Variants in VAV3 observed in about 807,000 individuals in gnomAD.
VAV3 encodes guanine nucleotide exchange factor VAV3.
Under a neutral mutation model 131.2 loss-of-function variants are expected in VAV3, and 94 were observed. The observed-to-expected ratio is 0.72, with a 90% CI of 0.61 to 0.85. VAV3 has a LOEUF of 0.85. Among genes scored for constraint, VAV3 ranks in the 40% least tolerant of loss-of-function variants. The pLI, the probability that VAV3 is intolerant of heterozygous loss-of-function variation, is 0.00. For synonymous variants in VAV3, 349 were observed against 342.0 expected (o/e 1.02, Z -0.22); for missense variants, 939 against 1,002.7 (o/e 0.94, Z 0.86).
At chr1:107,841,477 C>CA (rs1308525039) in intron 2 of VAV3, among the ~76,000 whole-genome samples, 16 of 152,106 alleles carry the variant, frequency 1.1e-4, no homozygotes, top group Non-Finnish European at 1.9e-4. Flanking sequence ...GATATTTAAA[C>CA]AGAGATCTAA....
chr1:107,725,517 CATTATT>C (rs898568931), intron 15 of VAV3, among the ~76,000 whole-genome samples: 1 of 152,048 alleles, frequency 6.6e-6, no homozygotes, highest in Admixed American at 6.6e-5. Context: ...GCAAATTCAT[CATTATT>C]ATTATTTCTG....
chr1:107,887,982 G>C (rs900642666), intron 1 of VAV3, among the ~76,000 whole-genome samples: 1 of 149,084 alleles, frequency 6.7e-6, no homozygotes, highest in African/African-American at 2.5e-5. Context: ...CAACCAGGCT[G>C]TTTTGGTTCT....
At chr1:107,723,579 G>T (rs1000892603) in intron 15 of VAV3, among the ~76,000 whole-genome samples, 1 of 114,426 alleles carries the variant, frequency 8.7e-6, no homozygotes, top group Non-Finnish European at 1.9e-5. Flanking sequence ...CTGAGTTGAA[G>T]CTATATTAGA....
intron 15 of VAV3, among the ~76,000 whole-genome samples, chr1:107,717,063 T>A (rs1406233868): frequency 6.6e-6 from 1 of 152,216 alleles, no homozygotes; most frequent in Non-Finnish European, 1.5e-5. Context: ...TAGTTTGTAT[T>A]TCTGTGGGAT....
chr1:107,926,009 G>GC (rs1170874984), intron 1 of VAV3, among the ~76,000 whole-genome samples: 1 of 151,704 alleles, frequency 6.6e-6, no homozygotes, highest in Non-Finnish European at 1.5e-5. Flanking sequence ...GGGGCCAGGT[G>GC]CGGTGGCTGC....
intron 1 of VAV3, among the ~76,000 whole-genome samples, chr1:107,940,617 G>T (rs1673938820): frequency 1.3e-5 from 2 of 152,172 alleles, no homozygotes; most frequent in Non-Finnish European, 1.5e-5. Flanking sequence ...ACAAAAAGTG[G>T]TGTCTGTACA....
At chr1:107,637,572 G>A (rs1655026536) in intron 20 of VAV3, among the ~76,000 whole-genome samples, 1 of 152,194 alleles carries the variant, frequency 6.6e-6, no homozygotes, top group East Asian at 1.9e-4. Flanking sequence ...GCAATGAGCC[G>A]TGATCCCGCC....
At chr1:107,611,177 GA>G (rs1329458224) in intron 21 of VAV3, among the ~76,000 whole-genome samples, 13 of 152,154 alleles carry the variant, frequency 8.5e-5, no homozygotes, top group African/African-American at 2.9e-4. Context: ...CATTTCCTTT[GA>G]GCATCATGTC....
At position 107,755,442 on chromosome 1, in the gene VAV3, T is replaced by G. The variant is rs959067486; in HGVS notation, c.1158A>C (p.Leu386=). The change falls in exon 12 of 27, where the codon CTA becomes CTC. Residue 386 remains leucine (L), a synonymous_variant. Transcript: ENST00000370056. ...AATTACATACCAAATTCTCTATAGA[T>G]AGCTGAAACTGTTTAATTTCACGAA... is the stretch of plus-strand genomic sequence containing the variant. ...ETLREIKQFQ[L]SIENLNQPVL... 6 of 1,612,310 alleles carry G rather than the reference T, an allele frequency of 3.7e-6. No homozygotes were observed. The African/African-American group carries it at 4.0e-5, about 11-fold the overall frequency.
At chr1:107,723,276 C>T (rs374880335) in intron 15 of VAV3, among the ~76,000 whole-genome samples, 12 of 152,108 alleles carry the variant, frequency 7.9e-5, no homozygotes, top group Non-Finnish European at 1.3e-4. Flanking sequence ...AAGCATTCAG[C>T]GCCCATCTGA....
chr1:107,865,721 G>T (rs78453766), intron 2 of VAV3, among the ~76,000 whole-genome samples: 308 of 152,262 alleles, frequency 2.0e-3, no homozygotes, highest in African/African-American at 7.0e-3. Context: ...AGATAGGCAA[G>T]AGTGGACAGG....
chr1:107,865,439 A>G (rs1079061), intron 2 of VAV3, among the ~76,000 whole-genome samples: 49,597 of 152,120 alleles, frequency 0.33, 8,417 homozygotes, highest in African/African-American at 0.4. Flanking sequence ...GAGTCACCGC[A>G]GACAAGGGAC....
chr1:107,786,897 G>A (rs539840222), intron 2 of VAV3, among the ~76,000 whole-genome samples: 54 of 152,238 alleles, frequency 3.5e-4, no homozygotes, highest in Admixed American at 5.9e-4. Flanking sequence ...GTTTTATTCA[G>A]TGGTTATTAT....
intron 1 of VAV3, among the ~76,000 whole-genome samples, chr1:107,893,744 C>T (rs192973670): frequency 6.6e-6 from 1 of 152,130 alleles, no homozygotes; most frequent in Non-Finnish European, 1.5e-5. Flanking sequence ...TGGGTGGGGA[C>T]ACAGCCAAAC....
intron 15 of VAV3, among the ~76,000 whole-genome samples, chr1:107,720,432 A>T (rs1387427437): frequency 8.1e-5 from 9 of 110,548 alleles, no homozygotes; most frequent in Middle Eastern, 4.3e-3. Flanking sequence ...AATAAATAAA[A>T]GTTCCATCTG....
intron 6 of VAV3, among the ~76,000 whole-genome samples, chr1:107,769,628 C>T (rs1215295877): frequency 6.6e-6 from 1 of 152,172 alleles, no homozygotes; most frequent in Admixed American, 6.5e-5. Context: ...CCCCTTAATG[C>T]CTGATTCATA....
intron 12 of VAV3, among the ~76,000 whole-genome samples, chr1:107,754,201 C>T (rs986277004): frequency 6.6e-5 from 10 of 152,214 alleles, no homozygotes; most frequent in South Asian, 2.1e-4. Context: ...GGAATATTGA[C>T]TGAATCTTGA....
chr1:107,692,069 A>G (rs899082221), intron 17 of VAV3, among the ~76,000 whole-genome samples: 5 of 152,116 alleles, frequency 3.3e-5, no homozygotes, highest in Admixed American at 6.6e-5. Context: ...AAGACTGCCT[A>G]TCTCAACAGG....
chr1:107,720,652 T>C (rs1661440585), intron 15 of VAV3, among the ~76,000 whole-genome samples: 1 of 152,146 alleles, frequency 6.6e-6, no homozygotes, highest in Non-Finnish European at 1.5e-5. Flanking sequence ...CACTCCAGCC[T>C]GCACAACAAG....
Sources: allele counts gnomAD v4.1 joint callset (sites outside exome capture counted in the v4.1 genomes callset), GRCh38; gene constraint gnomAD v4.1.1; transcripts MANE v1.5; gene names NCBI Gene and HGNC (gene_info 2026-07-23, HGNC 2026-07-21).